Variants in ACE observed in about 807,000 individuals in gnomAD.
The protein encoded by ACE is angiotensin I converting enzyme.
Under a neutral mutation model 162.3 loss-of-function variants are expected in ACE, and 122 were observed. The ratio of observed to expected loss-of-function variants is 0.75; its 90% CI spans 0.65 to 0.87. The LOEUF (loss-of-function observed/expected upper bound fraction) is 0.87. Ranked by LOEUF, ACE falls within the 40% of genes least tolerant of loss-of-function variation. ACE has a pLI of 0.00. For synonymous variants in ACE, 796 were observed against 720.6 expected (o/e 1.10, Z -1.68); for missense variants, 1,799 against 1,735.1 (o/e 1.04, Z -0.65).
chr17:63,486,317 C>CTCTTCTCT (rs2029931004), intron 13 of ACE: 1 of 582,178 alleles, frequency 1.7e-6, no homozygotes, highest in African/African-American at 1.9e-5. Context: ...TGGGGGTCTT[C>CTCTTCTCT]TCTTCTCTGC....
rs2049711941 is a variant in ACE at position 63,481,655 on chromosome 17, G to A, written c.1035G>A (p.Gly345=). Residue 345 remains glycine, a synonymous_variant, in exon 7 of 25, where the codon GGG becomes GGA. Transcript: ENST00000290866. ...LSPMPPEFWE[G]SMLEKPADGR... is the part of the protein sequence containing the mutation. ...CCATGCCTCCCGAGTTCTGGGAAGG[G>A]TCGATGCTGGAGAAGCCGGCCGACG... 1.2e-6 allele frequency: 2 copies of A among 1,614,120 alleles called. No individual in the cohort carries two copies. The highest frequency in any genetic ancestry group is 1.3e-5 in the African/African-American group (1 of 75,048).
rs188505094 is a variant in ACE at position 63,482,094 on chromosome 17, C to T, written c.1118+356C>T. 5.3e-5 allele frequency among the ~76,000 whole-genome samples: 8 copies of T among 152,124 alleles called. No individual in the cohort carries two copies. The South Asian group carries it at 1.0e-3, about 20-fold the overall frequency. ...GGTGGATCACCTGAGGCCAGGAGTT[C>T]GAGACCAGCCTGGCCAACATGGCGA... is the stretch of plus-strand genomic sequence containing the variant. On this transcript the variant is annotated intron_variant, in intron 7 of 24. Transcript: ENST00000290866.
chr17:63,494,511 C>T (rs763221966), intron 22 of ACE, 41 bp downstream of exon 22: 38 of 1,538,880 alleles, frequency 2.5e-5, no homozygotes, highest in Non-Finnish European at 3.3e-5. Flanking sequence ...AGGGGCAGTA[C>T]CCACAGCTTT....
At chr17:63,485,633 G>A (rs553595040) in intron 13 of ACE, 23 of 440,470 alleles carry the variant, frequency 5.2e-5, no homozygotes, top group Admixed American at 2.0e-4. Context: ...AAAATTAGCC[G>A]GGTGTGGTGG....
intron 13 of ACE, among the ~76,000 whole-genome samples, chr17:63,485,982 G>A (rs1568040885): frequency 6.6e-6 from 1 of 152,078 alleles, no homozygotes; most frequent in East Asian, 1.9e-4. Flanking sequence ...TCTAGTAACA[G>A]AATAATTTGT....
intron 19 of ACE, among the ~76,000 whole-genome samples, chr17:63,493,229 C>T (rs867967555): frequency 6.6e-6 from 1 of 152,196 alleles, no homozygotes; most frequent in Non-Finnish European, 1.5e-5. Context: ...ATGGCCTGAA[C>T]GGCCCGATGC....
At position 63,489,064 on chromosome 17, in the gene ACE, G is replaced by A. The variant is rs765246562; in HGVS notation, c.2573G>A (p.Arg858Gln). 5.2e-5 allele frequency: 84 copies of A among 1,613,832 alleles called. No individual in the cohort carries two copies. The South Asian group carries it at 7.2e-4, about 14-fold the overall frequency. Residue 858 changes from arginine to glutamine, a missense_variant, in exon 17 of 25, where the codon CGG (arginine) becomes CAG (glutamine). By Grantham distance (43) the Arg-to-Gln change is conservative (BLOSUM62 1). Coordinates refer to ENST00000290866, the MANE Select transcript of ACE (RefSeq NM_000789.4). ...CTCAACCTGCATGCCTACGTGCGCC[G>A]GGCCCTGCACCGTCACTACGGGGCC... The part of the protein sequence containing the change: ...LYLNLHAYVR[R>Q]ALHRHYGAQH...
Position 63,497,739 on chromosome 17 carries a change from G to A in ACE, c.*373G>A. The A allele has an allele frequency of 2.3e-6, 1 of 431,248 alleles. No individual in the cohort carries two copies. The highest frequency in any genetic ancestry group is 4.4e-6 in the Non-Finnish European group (1 of 226,524). 26.7% of individuals were successfully genotyped at this position (431,248 alleles called of 1,614,324 possible). A position where few individuals can be genotyped will look rare whatever the true frequency, so the allele number is the denominator to read the frequency against. The stretch of plus-strand genomic sequence containing the variant: ...TCCTCCATCCTCCTTCAGGAGCCGG[G>A]GAGGATCCCCAGAGCTCTGCCCCAG... On this transcript the variant is annotated 3_prime_UTR_variant, in exon 25 of 25. Coordinates refer to ENST00000290866, the MANE Select transcript of ACE (RefSeq NM_000789.4).
chr17:63,481,422 T>A (rs918683291), intron 6 of ACE, 144 bp from the exon 7 acceptor site: 1 of 958,646 alleles, frequency 1.0e-6, no homozygotes, highest in East Asian at 2.6e-5. Context: ...GCTGTGGGAG[T>A]GAGGGCCCTG....
At chr17:63,478,225 G>A in intron 2 of ACE, 127 bp downstream of exon 2, 1 of 1,233,532 alleles carries the variant, frequency 8.1e-7, no homozygotes, top group Non-Finnish European at 1.1e-6. Context: ...AGAAGGGAAA[G>A]CCCAGGTAAG....
intron 17 of ACE, among the ~76,000 whole-genome samples, chr17:63,489,572 G>A (rs980986236): frequency 1.6e-4 from 24 of 152,180 alleles, no homozygotes; most frequent in African/African-American, 5.8e-4. Flanking sequence ...CAAGGGAACT[G>A]GAACAAAGAA....
At position 63,477,147 on chromosome 17, in the gene ACE, T is replaced by C; in HGVS notation, c.53T>C (p.Leu18Pro). ...RGPGLLLPLP[L>P]LLLLPPQPAL... is the part of the protein sequence containing the mutation. ...CCGGGGCTGCTGCTGCCGCTGCCGCTGCTGTTGCTGCTGCCGCCGCAGCCC... is the reference window on the plus strand; with the variant it reads ...CCGGGGCTGCTGCTGCCGCTGCCGCCGCTGTTGCTGCTGCCGCCGCAGCCC... Residue 18 changes from leucine (L) to proline (P), a missense_variant, in exon 1 of 25, where the codon CTG (leucine) becomes CCG (proline). Coordinates refer to ENST00000290866, the MANE Select transcript of ACE (RefSeq NM_000789.4). The C allele has an allele frequency of 6.9e-6, 10 of 1,441,116 alleles. No homozygotes were observed. The highest frequency in any genetic ancestry group is 9.1e-6 in the Non-Finnish European group (10 of 1,097,532). 89.3% of individuals were successfully genotyped at this position (1,441,116 alleles called of 1,614,324 possible).
At chr17:63,496,081 G>T (rs2030710334) in intron 22 of ACE, 1 of 431,390 alleles carries the variant, frequency 2.3e-6, no homozygotes, top group Non-Finnish European at 4.3e-6. Flanking sequence ...AGACCTCACT[G>T]CCTCCAAAGC....
Position 63,491,452 on chromosome 17 carries a change from C to G in ACE, c.2912+71C>G, listed in dbSNP as rs2147561990. On this transcript the variant is annotated intron_variant, in intron 19 of 24. Transcript: ENST00000290866. The surrounding 1 kb of genome is among the most constrained non-coding windows in gnomAD (Gnocchi z 4.4). The stretch of plus-strand genomic sequence containing the variant: ...AAGGGAAATGAACCAAGCAAAGGGT[C>G]CACTACTGTCCCCCAGCTGGAGCCA... 1 of 1,587,928 alleles carries G rather than the reference C, an allele frequency of 6.3e-7. No individual in the cohort carries two copies. The highest frequency in any genetic ancestry group is 1.7e-5 in the Admixed American group (1 of 59,890).
chr17:63,484,816 C>T lies in ACE; in HGVS notation c.1921+275C>T, dbSNP rs747848647. On this transcript the variant is annotated intron_variant, in intron 12 of 24. Coordinates refer to ENST00000290866, the MANE Select transcript of ACE (RefSeq NM_000789.4). The surrounding 1 kb of genome is among the most constrained non-coding windows in gnomAD (Gnocchi z 4.0). ...CTCTGTGAGGTCACACTGCGGGCTC[C>T]GCTCTTATTGGCCAGGGGACGGTAG... The T allele has an allele frequency of 1.6e-5, 25 of 1,518,588 alleles. No homozygotes were observed. The highest frequency in any genetic ancestry group is 4.0e-5 in the Admixed American group (2 of 49,586). 94.1% of individuals were successfully genotyped at this position (1,518,588 alleles called of 1,614,324 possible).
intron 22 of ACE, among the ~76,000 whole-genome samples, chr17:63,495,534 C>A (rs1156714590): frequency 6.6e-6 from 1 of 152,170 alleles, no homozygotes; most frequent in Non-Finnish European, 1.5e-5. Context: ...TCCCCAGAGT[C>A]CAGGAAGAGG....
In ACE at chr17:63,481,617, C is replaced by T. The variant is rs983222441; in HGVS notation, c.997C>T (p.Leu333=). Residue 333 remains leucine (L), a synonymous_variant, in exon 7 of 25, where the codon CTG becomes TTG. Transcript: ENST00000290866. ...FRVAEEFFTS[L]ELSPMPPEFW... is the part of the protein sequence containing the mutation. ...GGTGGCAGAGGAGTTCTTCACCTCC[C>T]TGGAGCTCTCCCCCATGCCTCCCGA... is the stretch of plus-strand genomic sequence containing the variant. The T allele has an allele frequency of 1.9e-6, 3 of 1,614,096 alleles. No individual in the cohort carries two copies. In the South Asian group the frequency reaches 3.3e-5, roughly 18 times the overall value.
chr17:63,493,442 G>A lies in ACE; in HGVS notation c.2919G>A (p.Lys973=), dbSNP rs2030514016. The A allele has an allele frequency of 1.9e-6, 3 of 1,613,978 alleles. No homozygotes were observed. Among genetic ancestry groups the A allele is most frequent in the South Asian group, 1.1e-5 (1 of 91,068 alleles). ...DFYNGKDFRI[K]QCTTVNLEDL... ...CCCACTCCACTATTCCTAGGATCAA[G>A]CAGTGCACCACCGTGAACTTGGAGG... Residue 973 remains lysine (K), a synonymous_variant, in exon 20 of 25, where the codon AAG becomes AAA. Transcript: ENST00000290866.
rs999930858 is a variant in ACE, at chr17:63,484,152, A to G, written c.1710-178A>G. On this transcript the variant is annotated intron_variant, in intron 11 of 24. Transcript: ENST00000290866. The surrounding 1 kb of genome is among the most constrained non-coding windows in gnomAD (Gnocchi z 4.0). ...TTATTGAGTGGGCCTTCTGGCTGGC[A>G]TGGGGCGACACAAATGCCCCCTGCC... 1.3e-5 allele frequency among the ~76,000 whole-genome samples: 2 copies of G among 152,182 alleles called. No individual in the cohort carries two copies.
Sources: allele counts gnomAD v4.1 joint callset (sites outside exome capture counted in the v4.1 genomes callset), GRCh38; gene constraint gnomAD v4.1.1; non-coding constraint Gnocchi (gnomAD v3.1); transcripts MANE v1.5; gene names NCBI Gene and HGNC (gene_info 2026-07-23, HGNC 2026-07-21).